The following ZFHX3 variants were observed in gnomAD, a reference collection of about 807,000 sequenced individuals.
ZFHX3 encodes zinc finger homeobox protein 3.
Under a neutral mutation model 279.1 loss-of-function variants are expected in ZFHX3, and 42 were observed. That is an observed-to-expected ratio of 0.15 (90% CI 0.12 to 0.19). ZFHX3 has a LOEUF of 0.19. ZFHX3 is among the 10% of genes least tolerant of loss of function. The probability of loss-of-function intolerance (pLI) is 1.00; values close to 1 mark genes in which losing one functional copy is unlikely to be tolerated. For missense variants in ZFHX3, 4,981 were observed against 4,754.0 expected, an observed-to-expected ratio of 1.05 and a Z score of -1.40; for synonymous variants, 2,293 against 1,957.8, an observed-to-expected ratio of 1.17 and a Z score of -4.52.
At chr16:72,811,180 T>C (rs1332938945) in intron 7 of ZFHX3, among the ~76,000 whole-genome samples, 1 of 152,220 alleles carries the variant, frequency 6.6e-6, no homozygotes, top group Non-Finnish European at 1.5e-5. Flanking sequence ...CTAGTGTGCC[T>C]GGCTCCCTTT....
At chr16:73,065,317 G>T (rs1965734394) in intron 8 of ZFHX3, among the ~76,000 whole-genome samples, 1 of 152,120 alleles carries the variant, frequency 6.6e-6, no homozygotes, top group African/African-American at 2.4e-5. Context: ...CCCACCCCAT[G>T]CTTGCATTTC....
intron 5 of ZFHX3, among the ~76,000 whole-genome samples, chr16:73,154,603 ACT>A (rs1192786920): frequency 6.6e-6 from 1 of 152,092 alleles, no homozygotes. Flanking sequence ...ATTTGTGGTG[ACT>A]CTGCAGTAGG....
intron 1 of ZFHX3, among the ~76,000 whole-genome samples, chr16:73,756,031 G>A (rs2053805714): frequency 6.6e-6 from 1 of 152,114 alleles, no homozygotes; most frequent in South Asian, 2.1e-4. Flanking sequence ...AAATTAGATT[G>A]GCTTCTATTC....
At chr16:73,624,860 T>G (rs1231356913) in intron 2 of ZFHX3, among the ~76,000 whole-genome samples, 2 of 152,176 alleles carry the variant, frequency 1.3e-5, no homozygotes, top group African/African-American at 4.8e-5. Flanking sequence ...CAAAGATGCT[T>G]CATTTTTCCC....
intron 1 of ZFHX3, among the ~76,000 whole-genome samples, chr16:73,832,764 A>C (rs1279751129): frequency 1.3e-5 from 2 of 151,918 alleles, no homozygotes; most frequent in Admixed American, 6.6e-5. Context: ...CTATTTGCTC[A>C]CATGCTGGTA....
At chr16:73,535,396 G>C (rs745646186) in intron 2 of ZFHX3, among the ~76,000 whole-genome samples, 7 of 152,164 alleles carry the variant, frequency 4.6e-5, no homozygotes, top group Non-Finnish European at 8.8e-5. Context: ...GGTATGAGGA[G>C]AGTTCAGTGC....
chr16:73,161,732 G>C (rs562966629), intron 5 of ZFHX3, among the ~76,000 whole-genome samples: 19 of 152,274 alleles, frequency 1.2e-4, no homozygotes, highest in African/African-American at 4.6e-4. Flanking sequence ...TAAACAAGCT[G>C]TGCAGGTCAT....
intron 1 of ZFHX3, among the ~76,000 whole-genome samples, chr16:73,811,647 A>G (rs1960429937): frequency 6.6e-6 from 1 of 151,928 alleles, no homozygotes; most frequent in Non-Finnish European, 1.5e-5. Context: ...GGGTTTCACC[A>G]TGTTGGCCAG....
In ZFHX3 at chr16:72,794,036, T is replaced by C; in HGVS notation, c.8646A>G (p.Ala2882=). ...NEGLTKAAMM[A]MSEYEDRLSS... ...ACAACCGATCTTCATACTCAGACAT[T>C]GCCATCATGGCCGCTTTGGTCAACC... The change falls in exon 9 of 10, where the codon GCA becomes GCG. Residue 2882 remains alanine (A), a synonymous_variant. Coordinates refer to ENST00000268489, the MANE Select transcript of ZFHX3 (RefSeq NM_006885.4). This position sits in a 1 kb window ranked among gnomAD's most constrained non-coding sequence, Gnocchi z 4.2. 2.5e-6 allele frequency: 4 copies of C among 1,614,210 alleles called. No homozygotes were observed. Among genetic ancestry groups the C allele is most frequent in the Non-Finnish European group, 3.4e-6 (4 of 1,180,038 alleles).
chr16:73,880,599 G>A (rs1446009620), intron 1 of ZFHX3, among the ~76,000 whole-genome samples: 1 of 152,094 alleles, frequency 6.6e-6, no homozygotes, highest in African/African-American at 2.4e-5. Flanking sequence ...TGAAGTTCAG[G>A]CTTAGAGCAG....
intron 2 of ZFHX3, among the ~76,000 whole-genome samples, chr16:73,514,780 G>T (rs1157875288): frequency 1.3e-5 from 2 of 152,156 alleles, no homozygotes; most frequent in Non-Finnish European, 2.9e-5. Flanking sequence ...CAAGGAGGAA[G>T]GCTGGTGAGG....
At chr16:72,803,899 ATCT>A (rs1305297668) in intron 7 of ZFHX3, among the ~76,000 whole-genome samples, 1 of 152,212 alleles carries the variant, frequency 6.6e-6, no homozygotes, top group Non-Finnish European at 1.5e-5. Flanking sequence ...TTCCATGGTG[ATCT>A]TCTAGACACC....
chr16:72,965,536 C>T (rs12447538), intron 1 of ZFHX3, among the ~76,000 whole-genome samples: 41,970 of 152,120 alleles, frequency 0.28, 6,444 homozygotes, highest in Non-Finnish European at 0.34. Flanking sequence ...CATATTCATT[C>T]GTTCAGCATT....
chr16:73,751,349 G>A (rs191370160), intron 1 of ZFHX3, among the ~76,000 whole-genome samples: 1 of 152,154 alleles, frequency 6.6e-6, no homozygotes, highest in Non-Finnish European at 1.5e-5. Context: ...AGGGAGCCAT[G>A]AGTAGAAAAA....
At chr16:73,115,418 G>T (rs529960524) in intron 7 of ZFHX3, among the ~76,000 whole-genome samples, 1 of 151,088 alleles carries the variant, frequency 6.6e-6, no homozygotes, top group Admixed American at 6.6e-5. Flanking sequence ...GTGTGGTGGC[G>T]TGTGCCTATA....
In ZFHX3 at chr16:72,784,959, TC is replaced by T. The variant is rs1307026931; in HGVS notation, c.*2204del. On this transcript the variant is annotated 3_prime_UTR_variant, in exon 10 of 10. Transcript: ENST00000268489. ...AATCCATTTTCAGATCTTGGAATGCTCCAGTCTTTTGCAAAGTCGATGAGTG... is the reference window on the plus strand; with the variant it reads ...AATCCATTTTCAGATCTTGGAATGCTCAGTCTTTTGCAAAGTCGATGAGTG... 1.3e-5 allele frequency: 2 copies of T among 152,544 alleles called. No homozygotes were observed. Among genetic ancestry groups the T allele is most frequent in the African/African-American group, 4.8e-5 (2 of 41,444 alleles). 9.4% of individuals were successfully genotyped at this position (152,544 alleles called of 1,614,324 possible).
At chr16:73,308,261 ATATATATATATATATATTTATT>A (rs1401228965) in intron 4 of ZFHX3, among the ~76,000 whole-genome samples, 21 of 20,794 alleles carry the variant, frequency 1.0e-3, no homozygotes, top group African/African-American at 1.4e-3. Flanking sequence ...ATATATATAT[ATATATATATATATATATTTATT>A]TATTTATTTT....
chr16:73,623,238 A>G (rs558143184), intron 2 of ZFHX3, among the ~76,000 whole-genome samples: 53 of 152,040 alleles, frequency 3.5e-4, no homozygotes, highest in Non-Finnish European at 7.1e-4. Flanking sequence ...GAGTTTCACC[A>G]TGTTAGCAAG....
intron 1 of ZFHX3, among the ~76,000 whole-genome samples, chr16:72,984,896 T>C (rs1962782049): frequency 6.6e-6 from 1 of 152,292 alleles, no homozygotes; most frequent in East Asian, 1.9e-4. Context: ...GTATATAGTA[T>C]ACATATGGAT....
Sources: allele counts gnomAD v4.1 joint callset (sites outside exome capture counted in the v4.1 genomes callset), GRCh38; gene constraint gnomAD v4.1.1; non-coding constraint Gnocchi (gnomAD v3.1); transcripts MANE v1.5; gene names NCBI Gene and HGNC (gene_info 2026-07-23, HGNC 2026-07-21).